RP1: variants seen among roughly 807,000 people sequenced by gnomAD.
The protein encoded by RP1 is RP1 axonemal microtubule associated, also known as oxygen-regulated protein 1.
RP1 carries 16 observed loss-of-function variants against 14.8 expected under a neutral mutation model. That is an observed-to-expected ratio of 1.08 (90% CI 0.73 to 1.65). The LOEUF (loss-of-function observed/expected upper bound fraction) is 1.65, where lower values mean the gene tolerates loss of function less well. Ranked by LOEUF, RP1 falls within the 40% of genes most tolerant of loss-of-function variation. The pLI, the probability that RP1 is intolerant of heterozygous loss-of-function variation, is 0.00. For missense variants in RP1, 2,631 were observed against 2,535.0 expected (o/e 1.04, Z -0.81); for synonymous variants, 876 against 883.6 (o/e 0.99, Z 0.15).
At chr8:54,686,178 A>G (rs1373764312) in intron 12 of RP1, among the ~76,000 whole-genome samples, 1 of 152,178 alleles carries the variant, frequency 6.6e-6, no homozygotes, top group Non-Finnish European at 1.5e-5. Context: ...ACATTTTTGC[A>G]ACAGGAGGTC....
intron 1 of RP1, among the ~76,000 whole-genome samples, chr8:54,605,775 T>A (rs1805423536): frequency 6.6e-6 from 1 of 152,230 alleles, no homozygotes; most frequent in Non-Finnish European, 1.5e-5. Context: ...GTTGAATTGA[T>A]CCCTTTACCA....
intron 24 of RP1, among the ~76,000 whole-genome samples, chr8:54,815,837 T>G (rs1291368151): frequency 6.6e-6 from 1 of 152,196 alleles, no homozygotes; most frequent in African/African-American, 2.4e-5. Flanking sequence ...CATATTTGGC[T>G]CAGCTGTAGT....
At position 54,820,647 on chromosome 8, in the gene RP1, A is replaced by G. The variant is rs552659422; in HGVS notation, c.3616-16803A>G. Among the ~76,000 whole-genome samples the G allele has an allele frequency of 5.9e-5, 9 of 152,026 alleles. No homozygotes were observed. In the South Asian group the frequency reaches 1.9e-3, roughly 32 times the overall value. ...AAGGATTCTCTGCATGCTGTAGGGGATGTGGAGGGCTGGTGTGGGCAGTGC... is the reference window on the plus strand; with the variant it reads ...AAGGATTCTCTGCATGCTGTAGGGGGTGTGGAGGGCTGGTGTGGGCAGTGC... On this transcript the variant is annotated intron_variant, in intron 24 of 28. Coordinates refer to the RP1 transcript ENST00000637698.
chr8:54,755,636 G>A (rs1186369854), exon 21 of RP1: 7 of 1,535,976 alleles, frequency 4.6e-6, no homozygotes, highest in Non-Finnish European at 6.1e-6. Flanking sequence ...ATACCAGGTT[G>A]ACGTCTACAC....
At chr8:54,703,892 C>A (rs1321066327) in intron 14 of RP1, among the ~76,000 whole-genome samples, 1 of 152,156 alleles carries the variant, frequency 6.6e-6, no homozygotes, top group Non-Finnish European at 1.5e-5. Flanking sequence ...CTAGCTTCAA[C>A]CTTTTCTCCT....
In RP1 at chr8:54,757,131, T is replaced by C. The variant is rs990088450; in HGVS notation, c.3093+1361T>C. Among the ~76,000 whole-genome samples, 15 of 152,226 alleles carry C rather than the reference T, an allele frequency of 9.9e-5. 1 individual carries two copies. The South Asian group carries it at 1.0e-3, about 10-fold the overall frequency. On this transcript the variant is annotated intron_variant, in intron 21 of 22. Coordinates refer to the RP1 transcript ENST00000636932. The stretch of plus-strand genomic sequence containing the variant: ...GATATAATGGAAATGCCAAATAATT[T>C]CATGAGTTTTGTAGTCCAGAAACTG...
At position 54,625,690 on chromosome 8, in the gene RP1, A is replaced by T. The variant is rs1437017159; in HGVS notation, c.1808A>T (p.Asp603Val). The T allele has an allele frequency of 4.3e-6, 7 of 1,614,014 alleles. No individual in the cohort carries two copies. The East Asian group carries it at 1.3e-4, about 31-fold the overall frequency. ...KNFKTYGNTN[D>V]RFSPISADAT... ...TTCAAAACTTATGGTAACACCAATG[A>T]TAGGTTCAGTCCTATTTCAGCAGAT... Residue 603 changes from aspartate (D) to valine (V), a missense_variant, in exon 4 of 4, where the codon GAT (aspartate) becomes GTT (valine). Asp to Val is a radical substitution (Grantham distance 152). Transcript: ENST00000220676.
At position 54,755,634 on chromosome 8, in the gene RP1, T is replaced by G. The variant is rs773803558; in HGVS notation, c.2957T>G (p.Val986Gly). The G allele has an allele frequency of 9.8e-6, 15 of 1,535,922 alleles. No individual in the cohort carries two copies. The South Asian group carries it at 1.5e-4, about 16-fold the overall frequency. Residue 986 changes from valine (V) to glycine (G), a missense_variant, in exon 21 of 23, where the codon GTT (valine) becomes GGT (glycine). By Grantham distance (109) the Val-to-Gly change is moderately radical. Coordinates refer to the RP1 transcript ENST00000636932. ...GCTTTGCCAGTAGTGAGATACCAGG[T>G]TGACGTCTACACTGGGCAGCTGAAG...
At chr8:54,854,740 C>T (rs1812148953) in intron 26 of RP1, among the ~76,000 whole-genome samples, 2 of 152,172 alleles carry the variant, frequency 1.3e-5, no homozygotes, top group Non-Finnish European at 2.9e-5. Flanking sequence ...CGGCAGGCGC[C>T]TGTAGTCTCA....
chr8:54,836,270 A>G (rs1308634525), intron 24 of RP1, among the ~76,000 whole-genome samples: 2 of 152,176 alleles, frequency 1.3e-5, no homozygotes, highest in East Asian at 1.9e-4. Context: ...AAGGCAGATT[A>G]AATGGTTTCT....
rs757348252 is a variant in RP1, at chr8:54,628,423, T to C, written c.4541T>C (p.Ile1514Thr). 1 of 1,613,292 alleles carries C rather than the reference T, an allele frequency of 6.2e-7. No homozygotes were observed. The highest frequency in any genetic ancestry group is 8.5e-7 in the Non-Finnish European group (1 of 1,179,638). Reference sequence around the variant, plus strand: ...TTGATAGACATCTCTAGTAAGAATATTATGGAAGAAAAAAGAATGAACGGT... The same window carrying C: ...TTGATAGACATCTCTAGTAAGAATACTATGGAAGAAAAAAGAATGAACGGT... ...LELIDISSKNIMEEKRMNGII... is the reference protein window; with the variant it reads ...LELIDISSKNTMEEKRMNGII... The change falls in exon 4 of 4, where the codon ATT (isoleucine) becomes ACT (threonine). Residue 1514 changes from isoleucine to threonine, a missense_variant. By Grantham distance (89) the Ile-to-Thr change is moderately conservative (BLOSUM62 -1). Transcript: ENST00000220676.
intron 25 of RP1, among the ~76,000 whole-genome samples, chr8:54,845,323 G>A (rs530360467): frequency 2.0e-5 from 3 of 152,294 alleles, no homozygotes; most frequent in Non-Finnish European, 4.4e-5. Flanking sequence ...GTTCTCTGGC[G>A]ACTAGCAGAG....
intron 22 of RP1, among the ~76,000 whole-genome samples, chr8:54,761,976 G>A (rs1443669171): frequency 6.6e-6 from 1 of 152,164 alleles, no homozygotes; most frequent in Non-Finnish European, 1.5e-5. Flanking sequence ...GTCTCCCAGA[G>A]CCTTTTCTGT....
At chr8:54,741,719 A>G (rs1396616077) in intron 19 of RP1, among the ~76,000 whole-genome samples, 10 of 122,664 alleles carry the variant, frequency 8.2e-5, no homozygotes, top group African/African-American at 1.9e-4. Flanking sequence ...ATATATATAT[A>G]TATATATATA....
chr8:54,620,515 AT>A (rs5891546), intron 1 of RP1, among the ~76,000 whole-genome samples: 9,557 of 152,256 alleles, frequency 0.063, 911 homozygotes, highest in African/African-American at 0.21. Context: ...CTCAGAACTT[AT>A]CCTCCTTGTT....
intron 25 of RP1, among the ~76,000 whole-genome samples, chr8:54,851,557 C>A (rs1408171881): frequency 6.6e-6 from 1 of 152,102 alleles, no homozygotes; most frequent in Non-Finnish European, 1.5e-5. Flanking sequence ...TGTTGTCAGA[C>A]CAGCTCTTCT....
chr8:54,701,742 G>C, intron 14 of RP1: 1 of 1,280,372 alleles, frequency 7.8e-7, no homozygotes, highest in Non-Finnish European at 1.1e-6. Flanking sequence ...GTCTTAAATT[G>C]AGTCATAATG....
intron 7 of RP1, among the ~76,000 whole-genome samples, chr8:54,670,053 C>G (rs1436734476): frequency 6.6e-6 from 1 of 151,656 alleles, no homozygotes; most frequent in South Asian, 2.1e-4. Flanking sequence ...AAAATAAAAA[C>G]AGAAAAAAAG....
At position 54,750,979 on chromosome 8, in the gene RP1, C is replaced by T. The variant is rs1418462664; in HGVS notation, c.2809-3824C>T. Among the ~76,000 whole-genome samples, 4 of 152,204 alleles carry T rather than the reference C, an allele frequency of 2.6e-5. No homozygotes were observed. In the East Asian group the frequency reaches 7.7e-4, roughly 29 times the overall value. On this transcript the variant is annotated intron_variant, in intron 19 of 22. Coordinates refer to the RP1 transcript ENST00000636932. ...GTGGCAACCTGCTCGGGTACCCTTC[C>T]ACTCTGTGGGTGCTTTGTTCTTTAG...
Sources: gnomAD v4.1 joint callset for allele counts (sites outside exome capture counted in the v4.1 genomes callset) on GRCh38, gnomAD v4.1.1 for gene constraint, MANE v1.5 for transcripts, NCBI Gene and HGNC (gene_info 2026-07-23, HGNC 2026-07-21) for gene names.